The following LIPF variants were observed in gnomAD, a reference collection of about 807,000 sequenced individuals.
LIPF encodes gastric triacylglycerol lipase.
In LIPF, 25 loss-of-function variants were observed where a neutral mutation model predicts 38.0. The observed-to-expected ratio is 0.66, with a 90% CI of 0.48 to 0.92. The LOEUF (loss-of-function observed/expected upper bound fraction) is 0.92, where lower values mean the gene tolerates loss of function less well. LIPF is among the 40% of genes least tolerant of loss of function. The pLI, the probability that LIPF is intolerant of heterozygous loss-of-function variation, is 0.00. For synonymous variants in LIPF, 161 were observed against 156.2 expected (o/e 1.03, Z -0.23); for missense variants, 410 against 469.9 (o/e 0.87, Z 1.18).
rs748364745 is a variant in LIPF at position 88,668,580 on chromosome 10, G to A, written c.246G>A (p.Leu82=). 1 of 1,614,076 alleles carries A rather than the reference G, an allele frequency of 6.2e-7. No individual in the cohort carries two copies. Among genetic ancestry groups the A allele is most frequent in the South Asian group, 1.1e-5 (1 of 91,068 alleles). ...TAGGCCAGAGACCTGTTGTGTTTTTGCAGCATGGTTTGCTTGCATCAGCCA... is the reference window on the plus strand; with the variant it reads ...TAGGCCAGAGACCTGTTGTGTTTTTACAGCATGGTTTGCTTGCATCAGCCA... ...GNTGQRPVVF[L]QHGLLASATN... Residue 82 remains leucine, a synonymous_variant, in exon 4 of 10, where the codon TTG becomes TTA. Coordinates refer to ENST00000238983, the MANE Select transcript of LIPF (RefSeq NM_004190.4).
chr10:88,665,793 G>T (rs1474111587), intron 1 of LIPF, among the ~76,000 whole-genome samples: 1 of 142,434 alleles, frequency 7.0e-6, no homozygotes, highest in African/African-American at 2.6e-5. Flanking sequence ...TCCTGGGCTG[G>T]AGTGCAATGG....
intron 9 of LIPF, among the ~76,000 whole-genome samples, chr10:88,676,948 C>T (rs1490098245): frequency 1.3e-5 from 2 of 152,170 alleles, no homozygotes; most frequent in South Asian, 4.1e-4. Flanking sequence ...TATCTATAAG[C>T]TCTTAGCTCA....
At chr10:88,672,048 T>C in intron 6 of LIPF, 83 bp downstream of exon 6, 1 of 1,277,954 alleles carries the variant, frequency 7.8e-7, no homozygotes, top group Non-Finnish European at 1.1e-6. Flanking sequence ...AACAGAGTTA[T>C]AAAAAGAGAA....
At position 88,678,524 on chromosome 10, in the gene LIPF, A is replaced by AC. The variant is rs765208852; in HGVS notation, c.1045dup (p.Gln349ProfsTer40). The stretch of plus-strand genomic sequence containing the variant: ...AACGGTGGCAAGGACCTGTTGGCTG[A>AC]CCCCCAAGATGTTGGCCTTTTGCTT... On this transcript the variant is annotated frameshift_variant, in exon 10 of 10. Coordinates refer to ENST00000238983, the MANE Select transcript of LIPF (RefSeq NM_004190.4). LOFTEE classifies it low-confidence loss of function (END_TRUNC). 2 of 1,613,810 alleles carry AC rather than the reference A, an allele frequency of 1.2e-6. No individual in the cohort carries two copies. Among genetic ancestry groups the AC allele is most frequent in the Non-Finnish European group, 1.7e-6 (2 of 1,179,932 alleles).
chr10:88,667,609 A>T lies in LIPF; in HGVS notation c.146A>T (p.Tyr49Phe), dbSNP rs180994713. Residue 49 changes from tyrosine to phenylalanine, a missense_variant, in exon 3 of 10, where the codon TAT becomes TTT. Coordinates refer to ENST00000238983, the MANE Select transcript of LIPF (RefSeq NM_004190.4). Reference sequence around the variant, plus strand: ...TATTGGGGATACCCAAATGAAGAATATGAAGTTGTGACTGAAGATGGTTAT... The same window carrying T: ...TATTGGGGATACCCAAATGAAGAATTTGAAGTTGTGACTGAAGATGGTTAT... ...ITYWGYPNEE[Y>F]EVVTEDGYIL... is the part of the protein sequence containing the mutation. 6.2e-7 allele frequency: 1 copy of T among 1,603,974 alleles called. No homozygotes were observed. The highest frequency in any genetic ancestry group is 2.2e-5 in the East Asian group (1 of 44,700).
intron 7 of LIPF, among the ~76,000 whole-genome samples, chr10:88,675,089 A>G (rs1685284503): frequency 6.6e-6 from 1 of 152,230 alleles, no homozygotes. Context: ...CACTATGGCC[A>G]CAGTCCGCTA....
chr10:88,669,922 G>A lies in LIPF; in HGVS notation c.508G>A (p.Gly170Ser), dbSNP rs1238889985. 1 of 1,612,402 alleles carries A rather than the reference G, an allele frequency of 6.2e-7. No individual in the cohort carries two copies. ...TGGACAGAAGCAGCTACACTATGTTGGCCATTCCCAGGGCACCACCATTGG... is the reference window on the plus strand; with the variant it reads ...TGGACAGAAGCAGCTACACTATGTTAGCCATTCCCAGGGCACCACCATTGG... Reference protein sequence around the residue: ...KTGQKQLHYVGHSQGTTIGFI... With the variant: ...KTGQKQLHYVSHSQGTTIGFI... Residue 170 changes from glycine (G) to serine (S), a missense_variant, in exon 5 of 10, where the codon GGC (glycine) becomes AGC (serine). Gly to Ser is a moderately conservative substitution (Grantham distance 56, BLOSUM62 0). Transcript: ENST00000238983.
rs919396720 is a variant in LIPF at position 88,668,733 on chromosome 10, T to C, written c.399T>C (p.Asp133=). ...GAAGAAACTTGTACTATTCACCAGA[T>C]TCAGTTGAATTCTGGGCTTTCAGGT... The part of the protein sequence containing the change: ...WARRNLYYSP[D]SVEFWAFSFD... The change falls in exon 4 of 10, where the codon GAT becomes GAC. Residue 133 remains aspartate, a synonymous_variant. Transcript: ENST00000238983. 1.2e-6 allele frequency: 2 copies of C among 1,613,900 alleles called. No individual in the cohort carries two copies. Among genetic ancestry groups the C allele is most frequent in the South Asian group, 2.2e-5 (2 of 91,038 alleles).
chr10:88,669,511 G>T, intron 4 of LIPF: 1 of 175,346 alleles, frequency 5.7e-6, no homozygotes, highest in Non-Finnish European at 1.2e-5. Context: ...GAGAAAGACA[G>T]GATTTATATT....
At chr10:88,671,322 C>T (rs1841593129) in intron 5 of LIPF, among the ~76,000 whole-genome samples, 1 of 152,120 alleles carries the variant, frequency 6.6e-6, no homozygotes, top group Non-Finnish European at 1.5e-5. Context: ...GAGAGGGAAA[C>T]AGTGGTTCTT....
chr10:88,667,477 T>G (rs1841530370), intron 2 of LIPF, 75 bp downstream of exon 2: 4 of 1,050,138 alleles, frequency 3.8e-6, no homozygotes, highest in Non-Finnish European at 5.8e-6. Flanking sequence ...TTAAAGATTT[T>G]ATATGACCAA....
Position 88,671,945 on chromosome 10 carries a change from G to C in LIPF, c.649G>C (p.Val217Leu). Residue 217 changes from valine (V) to leucine (L), a missense_variant, in exon 6 of 10, where the codon GTT becomes CTT. Physicochemically the swap from Val to Leu is conservative, Grantham distance 32. Coordinates refer to ENST00000238983, the MANE Select transcript of LIPF (RefSeq NM_004190.4). The stretch of plus-strand genomic sequence containing the variant: ...AAGCCTTATAAACAAACTTAGATTT[G>C]TTCCTCAATCCCTCTTCAAGGTATG... ...TKSLINKLRF[V>L]PQSLFKFIFG... 1.2e-6 allele frequency: 2 copies of C among 1,611,070 alleles called. No individual in the cohort carries two copies. Among genetic ancestry groups the C allele is most frequent in the Admixed American group, 1.7e-5 (1 of 59,650 alleles).
intron 9 of LIPF, among the ~76,000 whole-genome samples, chr10:88,676,749 G>C (rs547573596): frequency 5.9e-5 from 9 of 152,156 alleles, no homozygotes; most frequent in African/African-American, 1.9e-4. Flanking sequence ...GCAGGTCAAG[G>C]CTGGAAATAT....
chr10:88,670,495 C>T (rs1841579065), intron 5 of LIPF, among the ~76,000 whole-genome samples: 1 of 152,210 alleles, frequency 6.6e-6, no homozygotes, highest in African/African-American at 2.4e-5. Context: ...CACAAGCACT[C>T]TTTGGGTAAA....
intron 4 of LIPF, chr10:88,669,423 A>C (rs1436547239): frequency 6.2e-6 from 1 of 161,480 alleles, no homozygotes; most frequent in Admixed American, 5.8e-5. Flanking sequence ...TGCACTGAGA[A>C]GTTTTAAAAA....
chr10:88,669,985 A>C, intron 5 of LIPF, 39 bp downstream of exon 5: 267 of 1,321,056 alleles, frequency 2.0e-4, no homozygotes, highest in Non-Finnish European at 2.6e-4. Context: ...TTTACTTCTC[A>C]TAAACACTTT....
At chr10:88,667,916 T>A (rs1841539425) in intron 3 of LIPF, among the ~76,000 whole-genome samples, 1 of 152,168 alleles carries the variant, frequency 6.6e-6, no homozygotes, top group Non-Finnish European at 1.5e-5. Flanking sequence ...AATAGATAAG[T>A]AAATGAGTGA....
chr10:88,674,866 T>A (rs1183966652), intron 7 of LIPF, among the ~76,000 whole-genome samples: 1 of 152,228 alleles, frequency 6.6e-6, no homozygotes, highest in African/African-American at 2.4e-5. Flanking sequence ...TGGTTACTTG[T>A]CATTCCATAT....
intron 8 of LIPF, 94 bp from the exon 9 acceptor site, chr10:88,676,114 GT>G: frequency 1.5e-6 from 1 of 678,678 alleles, no homozygotes; most frequent in Non-Finnish European, 2.4e-6. Context: ...CTTAATAATT[GT>G]TTAAATTGAA....
Sources: gnomAD v4.1 joint callset for allele counts (sites outside exome capture counted in the v4.1 genomes callset) on GRCh38, gnomAD v4.1.1 for gene constraint, MANE v1.5 for transcripts, NCBI Gene and HGNC (gene_info 2026-07-23, HGNC 2026-07-21) for gene names.